Variants in SMARCC1 observed in about 807,000 individuals in gnomAD.
The protein encoded by SMARCC1 is SWI/SNF related BAF chromatin remodeling complex subunit C1, also known as SWI/SNF complex subunit SMARCC1.
A neutral mutation model predicts 147.4 loss-of-function variants in SMARCC1; 43 were observed. The observed-to-expected ratio is 0.29, with a 90% CI of 0.23 to 0.38. The LOEUF (loss-of-function observed/expected upper bound fraction) is 0.38. Among genes scored for constraint, SMARCC1 ranks in the 10% least tolerant of loss-of-function variants. SMARCC1 has a pLI of 1.00. For synonymous variants in SMARCC1, 495 were observed against 484.4 expected (o/e 1.02, Z -0.29); for missense variants, 1,119 against 1,381.1 (o/e 0.81, Z 3.01).
intron 11 of SMARCC1, among the ~76,000 whole-genome samples, chr3:47,694,478 T>C (rs1197961741): frequency 3.9e-5 from 6 of 152,110 alleles, no homozygotes; most frequent in Non-Finnish European, 7.4e-5. Flanking sequence ...TGCGCATGTG[T>C]AATCCCAGCT....
chr3:47,643,428 GA>G (rs1420684069), intron 21 of SMARCC1, among the ~76,000 whole-genome samples: 1 of 151,728 alleles, frequency 6.6e-6, no homozygotes, highest in Non-Finnish European at 1.5e-5. Flanking sequence ...AACTGGATTA[GA>G]ATCACACAAG....
intron 7 of SMARCC1, among the ~76,000 whole-genome samples, chr3:47,720,242 G>A (rs1284730587): frequency 2.6e-5 from 4 of 151,992 alleles, no homozygotes; most frequent in Non-Finnish European, 4.4e-5. Flanking sequence ...TCCTGCCTTA[G>A]CTTCCTGAGT....
At chr3:47,738,666 G>A (rs1438868706) in intron 3 of SMARCC1, among the ~76,000 whole-genome samples, 14 of 151,070 alleles carry the variant, frequency 9.3e-5, no homozygotes. Flanking sequence ...CCTGGTGACA[G>A]AGCAAGACTC....
intron 12 of SMARCC1, among the ~76,000 whole-genome samples, chr3:47,690,188 T>G (rs993314940): frequency 6.6e-6 from 1 of 152,000 alleles, no homozygotes; most frequent in Non-Finnish European, 1.5e-5. Flanking sequence ...AGATCTTGTC[T>G]CTTATTAAAA....
intron 11 of SMARCC1, among the ~76,000 whole-genome samples, chr3:47,694,338 T>C (rs1184837942): frequency 1.3e-5 from 2 of 152,210 alleles, no homozygotes; most frequent in Admixed American, 6.5e-5. Flanking sequence ...AGGTGGCTCA[T>C]GCCTGTAATC....
chr3:47,710,323 A>G (rs2034068454), intron 9 of SMARCC1, among the ~76,000 whole-genome samples: 1 of 152,128 alleles, frequency 6.6e-6, no homozygotes, highest in Non-Finnish European at 1.5e-5. Context: ...GTCTCAAAAA[A>G]TATATATACA....
chr3:47,606,094 T>C (rs2032469533), intron 26 of SMARCC1, among the ~76,000 whole-genome samples: 1 of 151,934 alleles, frequency 6.6e-6, no homozygotes, highest in Non-Finnish European at 1.5e-5. Context: ...TGTCATAGAC[T>C]AAAAATAAAA....
intron 2 of SMARCC1, among the ~76,000 whole-genome samples, chr3:47,765,442 T>C (rs1469579646): frequency 6.6e-6 from 1 of 151,990 alleles, no homozygotes; most frequent in South Asian, 2.1e-4. Context: ...ACTTTCTATA[T>C]ATTTTACAAT....
chr3:47,741,213 G>C (rs1234726751), intron 3 of SMARCC1, among the ~76,000 whole-genome samples: 2 of 151,804 alleles, frequency 1.3e-5, no homozygotes, highest in Non-Finnish European at 1.5e-5. Context: ...GAGGAAAAGA[G>C]ACGGAAGAGA....
chr3:47,610,762 T>A (rs960606136), intron 25 of SMARCC1: 3 of 201,268 alleles, frequency 1.5e-5, no homozygotes, highest in African/African-American at 6.8e-5. Context: ...AACCTTCCTA[T>A]GTGCTCTCTT....
intron 26 of SMARCC1, among the ~76,000 whole-genome samples, chr3:47,609,522 G>T (rs1576386419): frequency 6.6e-6 from 1 of 152,036 alleles, no homozygotes; most frequent in African/African-American, 2.4e-5. Context: ...ACTCCCACTG[G>T]TTAGAGATAC....
In SMARCC1 at chr3:47,604,699, C is replaced by CT. The variant is rs58702136; in HGVS notation, c.3043+5366dup. On this transcript the variant is annotated intron_variant, in intron 26 of 27. Coordinates refer to ENST00000254480, the MANE Select transcript of SMARCC1 (RefSeq NM_003074.4). Reference sequence around the variant, plus strand: ...ATAGTGGGTTTAATTTACTGTTGTTCTTTTTTTTTTTTTTTGAGATAGGGT... The same window carrying CT: ...ATAGTGGGTTTAATTTACTGTTGTTCTTTTTTTTTTTTTTTTGAGATAGGGT... 2.3e-4 allele frequency: 27 copies of CT among 116,074 alleles called. 1 individual carries two copies. The highest frequency in any genetic ancestry group is 6.8e-4 in the African/African-American group (22 of 32,226). The allele number at this position is 116,074 out of a possible 1,614,324, so 7.2% of individuals were successfully genotyped here.
intron 2 of SMARCC1, among the ~76,000 whole-genome samples, chr3:47,769,129 T>C (rs1319253089): frequency 7.0e-6 from 1 of 142,508 alleles, no homozygotes; most frequent in Non-Finnish European, 1.5e-5. Flanking sequence ...GAGAATTGCT[T>C]GAACCCAGGA....
At chr3:47,599,393 T>C (rs775807073) in intron 26 of SMARCC1, among the ~76,000 whole-genome samples, 3 of 152,202 alleles carry the variant, frequency 2.0e-5, no homozygotes, top group Admixed American at 6.5e-5. Flanking sequence ...AAAAAAGTTA[T>C]TATAGCAGCC....
In SMARCC1 at chr3:47,588,274, G is replaced by C. The variant is rs777087684; in HGVS notation, c.3253C>G (p.Pro1085Ala). ...PPPPQQQPPP[P>A]PPADGVPPPP... ...GGAGGGACCCCATCTGCAGGTGGTG[G>C]TGGCGGTGGCTGCTGCTGTGGTGGA... The change falls in exon 28 of 28, where the codon CCA becomes GCA. Residue 1085 changes from proline to alanine, a missense_variant. This residue lies in a region of SMARCC1 where 186 missense variants were observed against 216.5 expected (regional missense o/e 0.86). Transcript: ENST00000254480. 1.1e-5 allele frequency: 18 copies of C among 1,613,882 alleles called. No individual in the cohort carries two copies. The Admixed American group carries it at 2.5e-4, about 22-fold the overall frequency.
At chr3:47,641,569 C>G (rs1003384474) in intron 21 of SMARCC1, among the ~76,000 whole-genome samples, 1 of 152,078 alleles carries the variant, frequency 6.6e-6, no homozygotes, top group Non-Finnish European at 1.5e-5. Context: ...ATACAAAGAT[C>G]TGCAGAAAAT....
intron 26 of SMARCC1, among the ~76,000 whole-genome samples, chr3:47,608,863 A>AAC (rs1576386169): frequency 6.6e-6 from 1 of 151,102 alleles, no homozygotes; most frequent in East Asian, 1.9e-4. Context: ...AAAAAAAAAA[A>AAC]AAAAAAAAAA....
intron 7 of SMARCC1, among the ~76,000 whole-genome samples, chr3:47,720,243 C>T (rs768046135): frequency 4.6e-5 from 7 of 151,632 alleles, no homozygotes; most frequent in Non-Finnish European, 7.4e-5. Context: ...CCTGCCTTAG[C>T]TTCCTGAGTA....
chr3:47,609,751 T>C (rs950899052), intron 26 of SMARCC1, among the ~76,000 whole-genome samples: 2 of 152,192 alleles, frequency 1.3e-5, no homozygotes, highest in African/African-American at 4.8e-5. Context: ...GTTGTGTGTA[T>C]TTATCTTTGA....
Sources: gnomAD v4.1 joint callset for allele counts (sites outside exome capture counted in the v4.1 genomes callset) on GRCh38, gnomAD v4.1.1 for gene constraint, gnomAD v4.1.1 regional missense constraint, MANE v1.5 for transcripts, NCBI Gene and HGNC (gene_info 2026-07-23, HGNC 2026-07-21) for gene names.